Variants in PTDSS1 observed in about 807,000 individuals in gnomAD.
PTDSS1 encodes PSS-1.
Under a neutral mutation model 70.5 loss-of-function variants are expected in PTDSS1, and 45 were observed. That is an observed-to-expected ratio of 0.64 (90% confidence interval 0.50 to 0.82). The LOEUF is 0.82. Ranked by LOEUF, PTDSS1 falls within the 40% of genes least tolerant of loss-of-function variation. The pLI is 0.00. For synonymous variants in PTDSS1, 188 were observed against 203.8 expected (o/e 0.92, Z 0.66); for missense variants, 417 against 586.1 (o/e 0.71, Z 2.98).
At chr8:96,283,515 G>A (rs1810773722) in intron 2 of PTDSS1, 1 of 152,244 alleles carries the variant, frequency 6.6e-6, no homozygotes, top group African/African-American at 2.4e-5. Context: ...TGTCTGAACT[G>A]GATTGCCATG....
At chr8:96,312,653 ACT>A (rs1811229437) in intron 9 of PTDSS1, among the ~76,000 whole-genome samples, 1 of 151,860 alleles carries the variant, frequency 6.6e-6, no homozygotes, top group Non-Finnish European at 1.5e-5. Flanking sequence ...GAGATTGAAG[ACT>A]CTTGTGAGAA....
chr8:96,278,601 C>T (rs1020990521), intron 2 of PTDSS1, among the ~76,000 whole-genome samples: 2 of 152,294 alleles, frequency 1.3e-5, no homozygotes, highest in South Asian at 2.1e-4. Context: ...GTTTTAATGG[C>T]TACCTTCATC....
In PTDSS1 at chr8:96,309,749, A is replaced by ATATATCTATATCTATATC. The variant is rs3060814; in HGVS notation, c.1073+133_1073+150dup. 6.3e-5 allele frequency: 43 copies of ATATATCTATATCTATATC among 682,708 alleles called. No individual in the cohort carries two copies. In the African/African-American group the frequency reaches 7.0e-4, roughly 11 times the overall value. The allele number at this position is 682,708 out of a possible 1,614,324, so 42.3% of individuals were successfully genotyped here. On this transcript the variant is annotated intron_variant, in intron 9 of 12. Transcript: ENST00000517309. ...TATGAAGACAGGTGGACTAGATTTTATATATCTATATCTATATCTATATAT... is the reference window on the plus strand; with the variant it reads ...TATGAAGACAGGTGGACTAGATTTTATATATCTATATCTATATCTATATCTATATCTATATCTATATAT...
chr8:96,320,412 G>T, intron 10 of PTDSS1, 67 bp downstream of exon 10: 2 of 1,336,174 alleles, frequency 1.5e-6, no homozygotes, highest in Non-Finnish European at 2.1e-6. Flanking sequence ...AACGGAGGGG[G>T]GCAAAGAAAC....
chr8:96,284,225 T>C (rs1382655623), intron 3 of PTDSS1, 72 bp downstream of exon 3: 5 of 1,352,594 alleles, frequency 3.7e-6, no homozygotes, highest in Non-Finnish European at 5.2e-6. Flanking sequence ...ACTTTAAGAC[T>C]TTTACTTGCT....
At chr8:96,315,659 C>T (rs1187228639) in intron 9 of PTDSS1, among the ~76,000 whole-genome samples, 2 of 152,104 alleles carry the variant, frequency 1.3e-5, no homozygotes, top group African/African-American at 4.8e-5. Flanking sequence ...AGTAACCAGC[C>T]CTAGGTCAGG....
chr8:96,321,106 G>A (rs1413127834), intron 10 of PTDSS1, among the ~76,000 whole-genome samples: 1 of 152,202 alleles, frequency 6.6e-6, no homozygotes, highest in Non-Finnish European at 1.5e-5. Context: ...TTTCAGACAT[G>A]TGCAAATAGA....
At chr8:96,304,702 C>T (rs1217297088) in intron 7 of PTDSS1, among the ~76,000 whole-genome samples, 1 of 152,156 alleles carries the variant, frequency 6.6e-6, no homozygotes, top group African/African-American at 2.4e-5. Context: ...GCCCACTTCA[C>T]GACGGAAGTG....
At chr8:96,322,109 G>A (rs1265874354) in intron 10 of PTDSS1, among the ~76,000 whole-genome samples, 1 of 152,080 alleles carries the variant, frequency 6.6e-6, no homozygotes, top group Non-Finnish European at 1.5e-5. Flanking sequence ...AGGACTCCCA[G>A]GACAAGACAG....
At chr8:96,304,474 T>C (rs1471747054) in intron 7 of PTDSS1, among the ~76,000 whole-genome samples, 1 of 152,208 alleles carries the variant, frequency 6.6e-6, no homozygotes, top group Non-Finnish European at 1.5e-5. Context: ...GAGTTAGGCA[T>C]TGGATTGCTT....
chr8:96,311,849 T>A (rs1455110813), intron 9 of PTDSS1, among the ~76,000 whole-genome samples: 1 of 152,228 alleles, frequency 6.6e-6, no homozygotes, highest in African/African-American at 2.4e-5. Flanking sequence ...GTGAGGGCCC[T>A]GTGTACTGGA....
At chr8:96,330,563 G>A (rs1465427465) in intron 11 of PTDSS1, 1 of 448,368 alleles carries the variant, frequency 2.2e-6, no homozygotes, top group African/African-American at 2.0e-5. Flanking sequence ...TGGGAAAGCT[G>A]TGGACTGGCT....
rs925472366 is a variant in PTDSS1 at position 96,330,081 on chromosome 8, G to T, written c.1174-132G>T. 15 of 807,574 alleles carry T rather than the reference G, an allele frequency of 1.9e-5. No individual in the cohort carries two copies. The Admixed American group carries it at 2.7e-4, about 15-fold the overall frequency. The allele number at this position is 807,574 out of a possible 1,614,324, so 50.0% of individuals were successfully genotyped here. A position where few individuals can be genotyped will look rare whatever the true frequency, so the allele number is the denominator to read the frequency against. ...CCCCTTGAGGTCTGATCTCTGCCACGTCCAGCCGTTTTGTAACCGGCGTCC... is the reference window on the plus strand; with the variant it reads ...CCCCTTGAGGTCTGATCTCTGCCACTTCCAGCCGTTTTGTAACCGGCGTCC... On this transcript the variant is annotated intron_variant, in intron 10 of 12. Coordinates refer to ENST00000517309, the MANE Select transcript of PTDSS1 (RefSeq NM_014754.3).
chr8:96,265,841 T>C (rs539275652), intron 1 of PTDSS1, among the ~76,000 whole-genome samples: 3 of 152,306 alleles, frequency 2.0e-5, no homozygotes, highest in Admixed American at 2.0e-4. Flanking sequence ...CCGGTAATCC[T>C]AGCACTTTGG....
chr8:96,293,581 A>G (rs1299471219), intron 4 of PTDSS1, among the ~76,000 whole-genome samples: 1 of 152,266 alleles, frequency 6.6e-6, no homozygotes, highest in Non-Finnish European at 1.5e-5. Context: ...TTCCAGGACA[A>G]GGACCTCAGG....
intron 4 of PTDSS1, among the ~76,000 whole-genome samples, chr8:96,287,540 C>A (rs1246434852): frequency 6.6e-6 from 1 of 151,508 alleles, no homozygotes; most frequent in African/African-American, 2.4e-5. Context: ...ATCTGTGGGG[C>A]CTACTGCGAG....
At chr8:96,291,360 C>T (rs1490443639) in intron 4 of PTDSS1, among the ~76,000 whole-genome samples, 1 of 152,034 alleles carries the variant, frequency 6.6e-6, no homozygotes, top group Non-Finnish European at 1.5e-5. Context: ...GTATTATTGA[C>T]ACAGGCCCAA....
In PTDSS1 at chr8:96,310,824, G is replaced by T. The variant is rs568951114; in HGVS notation, c.1073+1202G>T. On this transcript the variant is annotated intron_variant, in intron 9 of 12. Coordinates refer to ENST00000517309, the MANE Select transcript of PTDSS1 (RefSeq NM_014754.3). ...TTCTGTCGCCAGGCTGGAGTACAGTGGCGTGATCTCGGCTCACTGCAACCT... is the reference window on the plus strand; with the variant it reads ...TTCTGTCGCCAGGCTGGAGTACAGTTGCGTGATCTCGGCTCACTGCAACCT... Among the ~76,000 whole-genome samples, 3 of 151,898 alleles carry T rather than the reference G, an allele frequency of 2.0e-5. No individual in the cohort carries two copies. In the East Asian group the frequency reaches 5.8e-4, roughly 29 times the overall value.
chr8:96,281,680 G>A (rs138733695), intron 2 of PTDSS1, among the ~76,000 whole-genome samples: 273 of 152,102 alleles, frequency 1.8e-3, no homozygotes, highest in Non-Finnish European at 3.0e-3. Context: ...ACCAGTCCGC[G>A]CTCAACCCTC....
Sources: gnomAD v4.1 joint callset for allele counts (sites outside exome capture counted in the v4.1 genomes callset) on GRCh38, gnomAD v4.1.1 for gene constraint, MANE v1.5 for transcripts, NCBI Gene and HGNC (gene_info 2026-07-23, HGNC 2026-07-21) for gene names.